ARHGAP44: variants seen among roughly 807,000 people sequenced by gnomAD.
The protein encoded by ARHGAP44 is Rho GTPase activating protein 44.
A neutral mutation model predicts 106.8 loss-of-function variants in ARHGAP44; 43 were observed. The ratio of observed to expected loss-of-function variants is 0.40; its 90% confidence interval spans 0.32 to 0.52. The LOEUF is 0.52. Among genes scored for constraint, ARHGAP44 ranks in the 20% least tolerant of loss-of-function variants. The pLI, the probability that ARHGAP44 is intolerant of heterozygous loss-of-function variation, is 0.48. For missense variants in ARHGAP44, 866 were observed against 1,050.5 expected, an observed-to-expected ratio of 0.82 and a Z score of 2.43; for synonymous variants, 439 against 410.3, an observed-to-expected ratio of 1.07 and a Z score of -0.85.
At chr17:12,860,430 T>C (rs2036036711) in intron 1 of ARHGAP44, among the ~76,000 whole-genome samples, 1 of 152,216 alleles carries the variant, frequency 6.6e-6, no homozygotes, top group Non-Finnish European at 1.5e-5. Flanking sequence ...CATTTATTGG[T>C]GTTTCCTCTT....
intron 1 of ARHGAP44, among the ~76,000 whole-genome samples, chr17:12,894,582 AT>A (rs1028838791): frequency 6.6e-6 from 1 of 152,130 alleles, no homozygotes; most frequent in African/African-American, 2.4e-5. Context: ...CCTTTCTCAG[AT>A]TTCTGCTACA....
At chr17:12,876,496 G>A (rs761762286) in intron 1 of ARHGAP44, among the ~76,000 whole-genome samples, 4 of 152,168 alleles carry the variant, frequency 2.6e-5, no homozygotes, top group Non-Finnish European at 5.9e-5. Flanking sequence ...TACAATACTT[G>A]TAAAGTGCCA....
At chr17:12,856,313 A>G (rs555924692) in intron 1 of ARHGAP44, among the ~76,000 whole-genome samples, 2 of 152,284 alleles carry the variant, frequency 1.3e-5, no homozygotes, top group Admixed American at 6.5e-5. Flanking sequence ...TTCAGGGATG[A>G]GAGTTGTCAC....
intron 4 of ARHGAP44, among the ~76,000 whole-genome samples, chr17:12,912,532 C>T (rs1473251907): frequency 1.3e-5 from 2 of 152,118 alleles, no homozygotes; most frequent in African/African-American, 4.8e-5. Flanking sequence ...AATCCAACAG[C>T]ATATTCCGGA....
At chr17:12,872,516 G>A (rs1054248637) in intron 1 of ARHGAP44, among the ~76,000 whole-genome samples, 1 of 152,088 alleles carries the variant, frequency 6.6e-6, no homozygotes, top group African/African-American at 2.4e-5. Context: ...TGACTGATAA[G>A]TTACCATAAT....
At chr17:12,869,631 C>G (rs1432762851) in intron 1 of ARHGAP44, among the ~76,000 whole-genome samples, 1 of 152,122 alleles carries the variant, frequency 6.6e-6, no homozygotes, top group East Asian at 1.9e-4. Context: ...TCCCCACTCC[C>G]CTTCTCTCAT....
intron 1 of ARHGAP44, among the ~76,000 whole-genome samples, chr17:12,876,420 G>A (rs578123615): frequency 6.8e-4 from 103 of 152,232 alleles, no homozygotes; most frequent in Admixed American, 1.2e-3. Context: ...CTTGACAGTC[G>A]TGTTCATCTC....
chr17:12,851,783 CCTAA>C (rs1427120942), intron 1 of ARHGAP44, among the ~76,000 whole-genome samples: 6 of 152,058 alleles, frequency 3.9e-5, no homozygotes, highest in Non-Finnish European at 7.3e-5. Flanking sequence ...TCTCCACTCC[CCTAA>C]CTGAGGAAGA....
intron 19 of ARHGAP44, among the ~76,000 whole-genome samples, chr17:12,983,284 AAAG>A (rs1485464904): frequency 6.7e-6 from 1 of 149,916 alleles, no homozygotes; most frequent in Non-Finnish European, 1.5e-5. Flanking sequence ...AAAAAAAAAA[AAAG>A]GAATCAGACC....
At chr17:12,967,039 C>G (rs745787228) in intron 16 of ARHGAP44, among the ~76,000 whole-genome samples, 108 of 151,436 alleles carry the variant, frequency 7.1e-4, no homozygotes, top group Non-Finnish European at 1.1e-3. Flanking sequence ...CTCCTTTTTT[C>G]TCCCCCTCTT....
chr17:12,971,837 G>A (rs1222870644), intron 16 of ARHGAP44, among the ~76,000 whole-genome samples: 1 of 152,122 alleles, frequency 6.6e-6, no homozygotes, highest in Admixed American at 6.5e-5. Context: ...TACTAGACAT[G>A]AGAAGGCCTC....
At chr17:12,978,671 TTTTTTTCTTTTC>T (rs1323936043) in intron 18 of ARHGAP44, among the ~76,000 whole-genome samples, 5 of 146,538 alleles carry the variant, frequency 3.4e-5, no homozygotes, top group African/African-American at 1.2e-4. Flanking sequence ...GCCTGCCTTT[TTTTTTTCTTTTC>T]TTTTTTCTTT....
intron 1 of ARHGAP44, among the ~76,000 whole-genome samples, chr17:12,796,377 G>A (rs1164727371): frequency 2.0e-5 from 3 of 152,180 alleles, no homozygotes; most frequent in Non-Finnish European, 4.4e-5. Context: ...TTCTTAGGAT[G>A]AAGTCTTAGA....
At chr17:12,819,176 T>C (rs1488236903) in intron 1 of ARHGAP44, among the ~76,000 whole-genome samples, 1 of 152,122 alleles carries the variant, frequency 6.6e-6, no homozygotes, top group African/African-American at 2.4e-5. Context: ...AGAATGGATC[T>C]CACATAAATT....
At position 12,845,519 on chromosome 17, in the gene ARHGAP44, A is replaced by AC. The variant is rs1555546594; in HGVS notation, c.54-49421_54-49420insC. The stretch of plus-strand genomic sequence containing the variant: ...AAGACTCCGTCTCAAAAAAAAAAAA[A>AC]AAACAAAAAAACAACTCTTTCTTTC... On this transcript the variant is annotated intron_variant, in intron 1 of 20. Coordinates refer to ENST00000379672, the MANE Select transcript of ARHGAP44 (RefSeq NM_014859.6). Among the ~76,000 whole-genome samples, 144 of 150,612 alleles carry AC rather than the reference A, an allele frequency of 9.6e-4. 3 individuals are homozygous for AC. Among genetic ancestry groups the AC allele is most frequent in the African/African-American group, 2.4e-3 (97 of 40,500 alleles).
chr17:12,841,637 C>CACAAAA (rs1555546101), intron 1 of ARHGAP44, among the ~76,000 whole-genome samples: 14 of 101,700 alleles, frequency 1.4e-4, no homozygotes, highest in African/African-American at 4.8e-4. Context: ...CACACACACA[C>CACAAAA]ACAAACAAAC....
intron 13 of ARHGAP44, among the ~76,000 whole-genome samples, chr17:12,955,047 A>C (rs2039093620): frequency 6.6e-6 from 1 of 152,156 alleles, no homozygotes; most frequent in Non-Finnish European, 1.5e-5. Context: ...GCAACCACTA[A>C]TGTACTTTCT....
intron 7 of ARHGAP44, among the ~76,000 whole-genome samples, chr17:12,934,369 G>A (rs1379568049): frequency 6.6e-6 from 1 of 152,176 alleles, no homozygotes; most frequent in African/African-American, 2.4e-5. Flanking sequence ...CACATATATT[G>A]TTAGACTAAA....
chr17:12,901,667 T>C (rs1567676766), intron 3 of ARHGAP44, among the ~76,000 whole-genome samples: 1 of 152,028 alleles, frequency 6.6e-6, no homozygotes, highest in Admixed American at 6.5e-5. Flanking sequence ...GGAGCTGCTG[T>C]GATCACCTGG....
Sources: allele counts gnomAD v4.1 joint callset (sites outside exome capture counted in the v4.1 genomes callset), GRCh38; gene constraint gnomAD v4.1.1; transcripts MANE v1.5; gene names NCBI Gene and HGNC (gene_info 2026-07-23, HGNC 2026-07-21).